Variants in DKK4 observed in about 807,000 individuals in gnomAD.
DKK4 encodes dickkopf Wnt signaling pathway inhibitor 4.
Under a neutral mutation model 14.5 loss-of-function variants are expected in DKK4, and 15 were observed. That is an observed-to-expected ratio of 1.03 (90% CI 0.69 to 1.59). The LOEUF is 1.59. Among genes scored for constraint, DKK4 ranks in the 40% most tolerant of loss-of-function variants. The pLI, the probability that DKK4 is intolerant of heterozygous loss-of-function variation, is 0.00. For synonymous variants in DKK4, 89 were observed against 105.2 expected (o/e 0.85, Z 0.94); for missense variants, 272 against 280.3 (o/e 0.97, Z 0.21).
rs771943105 is a variant in DKK4, at chr8:42,375,742, C to T, written c.200G>A (p.Arg67His). 6.8e-6 allele frequency: 11 copies of T among 1,613,944 alleles called. No individual in the cohort carries two copies. Among genetic ancestry groups the T allele is most frequent in the South Asian group, 4.4e-5 (4 of 91,074 alleles). The change falls in exon 2 of 4, where the codon CGT becomes CAT. Residue 67 changes from arginine (R) to histidine (H), a missense_variant. Arg to His is a conservative substitution (Grantham distance 29). Coordinates refer to ENST00000220812, the MANE Select transcript of DKK4 (RefSeq NM_014420.3). The stretch of plus-strand genomic sequence containing the variant: ...TCGCTGGCACCTCCTCCGCAACCCA[C>T]GACATGTAGCACAGAACGGCTTCTC... ...RDEKPFCATC[R>H]GLRRRCQRDA...
At position 42,376,907 on chromosome 8, in the gene DKK4, A is replaced by G. The variant is rs1026688831; in HGVS notation, c.111+28T>C. On this transcript the variant is annotated intron_variant, in intron 1 of 3. Coordinates refer to ENST00000220812, the MANE Select transcript of DKK4 (RefSeq NM_014420.3). ...ACACCCCAGCTGTCAGCAGTCCCGT[A>G]CCTCGCCCCCCTCCCTAGCAGCCTT... 7 of 1,589,372 alleles carry G rather than the reference A, an allele frequency of 4.4e-6. No homozygotes were observed. In the African/African-American group the frequency reaches 8.1e-5, roughly 18 times the overall value.
At chr8:42,376,438 TAAAGCGATTCCTA>T (rs1824566423) in intron 1 of DKK4, among the ~76,000 whole-genome samples, 1 of 152,214 alleles carries the variant, frequency 6.6e-6, no homozygotes, top group African/African-American at 2.4e-5. Flanking sequence ...TACACATACA[TAAAGCGATTCCTA>T]AAACAACTCT....
At chr8:42,384,009 G>A in the DKK4 span, among the ~76,000 whole-genome samples, 21 of 152,058 alleles carry the variant, frequency 1.4e-4, no homozygotes, top group East Asian at 1.2e-3. Flanking sequence ...CACACCCCCC[G>A]CACCCCCCTA....
chr8:42,386,029 G>A, the DKK4 span, among the ~76,000 whole-genome samples: 4 of 152,178 alleles, frequency 2.6e-5, no homozygotes, highest in East Asian at 3.9e-4. Flanking sequence ...GCTCATGTGC[G>A]CCTCTTCTTC....
upstream of DKK4, among the ~76,000 whole-genome samples, chr8:42,382,013 A>G (rs1378024928): frequency 2.0e-5 from 3 of 152,080 alleles, no homozygotes; most frequent in African/African-American, 4.8e-5. Flanking sequence ...AAAAACAAAA[A>G]CACGACAAAA....
chr8:42,390,425 G>A, the DKK4 span, among the ~76,000 whole-genome samples: 6 of 139,618 alleles, frequency 4.3e-5, no homozygotes, highest in African/African-American at 1.1e-4. Context: ...GTGCAGTGGC[G>A]CGATCTCGGC....
intron 1 of DKK4, 100 bp from the exon 2 acceptor site, chr8:42,375,930 G>A (rs10096210): frequency 0.15 from 222,338 of 1,450,952 alleles, 29,966 homozygotes; most frequent in African/African-American, 0.7. Context: ...AAAGGACAGT[G>A]GCGCTGTGAC....
upstream of DKK4, among the ~76,000 whole-genome samples, chr8:42,379,368 TATATATATATAGAGAG>T (rs1824622952): frequency 4.0e-5 from 2 of 49,494 alleles, no homozygotes; most frequent in African/African-American, 8.2e-5. Flanking sequence ...TATATATATA[TATATATATATAGAGAG>T]AGAGAGAGAG....
At chr8:42,390,906 A>G in the DKK4 span, among the ~76,000 whole-genome samples, 1 of 152,046 alleles carries the variant, frequency 6.6e-6, no homozygotes, top group African/African-American at 2.4e-5. Context: ...TTTTCTCTTT[A>G]GTGAGTAATC....
At position 42,374,257 on chromosome 8, in the gene DKK4, C is replaced by G. The variant is rs114107982; in HGVS notation, c.518G>C (p.Gly173Ala). ...ATGCCCTCTTCTGGAGCAGACCTGT[C>G]CCTCCAAAAGGACTGGCTTACAAAT... is the stretch of plus-strand genomic sequence containing the variant. The part of the protein sequence containing the change: ...TKICKPVLLE[G>A]QVCSRRGHKD... The change falls in exon 4 of 4, where the codon GGA becomes GCA. Residue 173 changes from glycine to alanine, a missense_variant. Coordinates refer to ENST00000220812, the MANE Select transcript of DKK4 (RefSeq NM_014420.3). 1.3e-4 allele frequency: 203 copies of G among 1,612,148 alleles called. No individual in the cohort carries two copies. In the African/African-American group the frequency reaches 2.5e-3, roughly 20 times the overall value.
upstream of DKK4, among the ~76,000 whole-genome samples, chr8:42,378,332 A>T (rs560834422): frequency 5.4e-4 from 82 of 152,326 alleles, 3 homozygotes; most frequent in South Asian, 0.017. Flanking sequence ...ACATCAATTC[A>T]TTGACATGAA....
chr8:42,385,298 G>A, the DKK4 span, among the ~76,000 whole-genome samples: 1 of 151,938 alleles, frequency 6.6e-6, no homozygotes, highest in Non-Finnish European at 1.5e-5. Flanking sequence ...AGGCTGAGGC[G>A]GGAGGATCGC....
chr8:42,375,338 C>T (rs550160744), intron 2 of DKK4, among the ~76,000 whole-genome samples: 29 of 152,078 alleles, frequency 1.9e-4, no homozygotes, highest in African/African-American at 6.0e-4. Flanking sequence ...GTCAGAAGTT[C>T]GAGACTAGCC....
chr8:42,375,533 A>AG, intron 2 of DKK4, 147 bp downstream of exon 2: 1 of 998,110 alleles, frequency 1.0e-6, no homozygotes, highest in Non-Finnish European at 1.4e-6. Context: ...AAAAAAAAAA[A>AG]GGAAAAGAAA....
At chr8:42,375,892 T>C (rs1302619574) in intron 1 of DKK4, 62 bp from the exon 2 acceptor site, 17 of 1,583,700 alleles carry the variant, frequency 1.1e-5, no homozygotes, top group Non-Finnish European at 1.4e-5. Context: ...AGATGACTTA[T>C]TATTGAAGGC....
chr8:42,374,404 G>A, intron 3 of DKK4, 45 bp from the exon 4 acceptor site: 2 of 1,607,020 alleles, frequency 1.2e-6, no homozygotes, highest in South Asian at 1.1e-5. Flanking sequence ...TAAGGAAAGT[G>A]GCCTGCTGGG....
intron 2 of DKK4, 128 bp downstream of exon 2, chr8:42,375,552 G>A (rs1311709784): frequency 9.6e-6 from 11 of 1,149,026 alleles, no homozygotes. Flanking sequence ...AAAGGCAGCT[G>A]CATACATTTA....
At chr8:42,375,644 C>T (rs747056220) in intron 2 of DKK4, 36 bp downstream of exon 2, 127 of 1,610,992 alleles carry the variant, frequency 7.9e-5, no homozygotes, top group Middle Eastern at 4.4e-4. Flanking sequence ...ACACTACCTT[C>T]GGTTTAAAAA....
chr8:42,379,368 TATATATATATAGAGAGAGAGAGAG>T (rs1824623180), upstream of DKK4, among the ~76,000 whole-genome samples: 2 of 49,494 alleles, frequency 4.0e-5, no homozygotes, highest in African/African-American at 1.6e-4. Flanking sequence ...TATATATATA[TATATATATATAGAGAGAGAGAGAG>T]AGAGAGAGAG....
Sources: gnomAD v4.1 joint callset for allele counts (sites outside exome capture counted in the v4.1 genomes callset) on GRCh38, gnomAD v4.1.1 for gene constraint, MANE v1.5 for transcripts, NCBI Gene and HGNC (gene_info 2026-07-23, HGNC 2026-07-21) for gene names.